Variants in BANP observed in about 807,000 individuals in gnomAD.
The protein encoded by BANP is protein BANP.
In BANP, 11 loss-of-function variants were observed where a neutral mutation model predicts 68.1. That is an observed-to-expected ratio of 0.16 (90% CI 0.10 to 0.27). The LOEUF is 0.27. BANP is among the 10% of genes least tolerant of loss of function. The pLI is 1.00. For synonymous variants in BANP, 329 were observed against 303.2 expected, an observed-to-expected ratio of 1.09 and a Z score of -0.88; for missense variants, 504 against 722.7, an observed-to-expected ratio of 0.70 and a Z score of 3.47.
chr16:87,968,522 A>C (rs2060528924), intron 1 of BANP, among the ~76,000 whole-genome samples: 1 of 151,336 alleles, frequency 6.6e-6, no homozygotes, highest in Non-Finnish European at 1.5e-5. Flanking sequence ...TCCCTTTAAT[A>C]ATCTTTGCTT....
rs765415146 is a variant in BANP at position 88,003,826 on chromosome 16, G to A, written c.363-469G>A. ...TTCTTTCCAGGGCGCTACCGTTTTG[G>A]AATGATACCAACACTTACGTGGTTA... On this transcript the variant is annotated intron_variant, in intron 4 of 13. Coordinates refer to ENST00000682872, the MANE Select transcript of BANP (RefSeq NM_001386991.1). This position sits in a 1 kb window ranked among gnomAD's most constrained non-coding sequence, Gnocchi z 6.1. 1.3e-5 allele frequency: 4 copies of A among 308,552 alleles called. No homozygotes were observed. The highest frequency in any genetic ancestry group is 2.5e-5 in the Non-Finnish European group (4 of 158,050). 19.1% of individuals were successfully genotyped at this position (308,552 alleles called of 1,614,324 possible).
chr16:87,971,491 C>T (rs1442571012), intron 1 of BANP, among the ~76,000 whole-genome samples: 2 of 151,994 alleles, frequency 1.3e-5, no homozygotes, highest in African/African-American at 2.4e-5. Context: ...GTCTTAAATA[C>T]GTTAATCCTT....
intron 1 of BANP, among the ~76,000 whole-genome samples, chr16:87,969,599 C>T (rs1029704188): frequency 6.7e-6 from 1 of 148,166 alleles, no homozygotes; most frequent in African/African-American, 2.5e-5. Context: ...ATGGCGTGAT[C>T]TCAGCTCACT....
intron 1 of BANP, 101 bp downstream of exon 1, chr16:87,951,616 G>C (rs1474255259): frequency 6.7e-6 from 1 of 149,376 alleles, no homozygotes; most frequent in Non-Finnish European, 1.5e-5. Context: ...CCCGCCCGCC[G>C]GGCCGCCCGC....
chr16:88,071,937 C>T lies in BANP; in HGVS notation c.1378-132C>T. On this transcript the variant is annotated intron_variant, in intron 12 of 13. Transcript: ENST00000682872. This position sits in a 1 kb window ranked among gnomAD's most constrained non-coding sequence, Gnocchi z 6.5. ...TGTGCCGCAGAGTCCTCGGTGTGGC[C>T]CTGAGGCCGTGTCCCTGCCGCTCAG... The T allele has an allele frequency of 8.2e-7, 1 of 1,214,978 alleles. No individual in the cohort carries two copies. Among genetic ancestry groups the T allele is most frequent in the Non-Finnish European group, 1.2e-6 (1 of 857,042 alleles). The allele number at this position is 1,214,978 out of a possible 1,614,324, so 75.3% of individuals were successfully genotyped here.
At chr16:87,999,188 G>T (rs77962472) in intron 4 of BANP, among the ~76,000 whole-genome samples, 3 of 127,852 alleles carry the variant, frequency 2.3e-5, no homozygotes, top group South Asian at 2.6e-4. Flanking sequence ...ATGCCCGCAC[G>T]TGCGCGGCTG....
At position 88,057,466 on chromosome 16, in the gene BANP, G is replaced by C. The variant is rs150750562; in HGVS notation, c.1312-7801G>C. Among the ~76,000 whole-genome samples the C allele has an allele frequency of 3.1e-3, 476 of 152,166 alleles. 1 individual carries two copies. Among genetic ancestry groups the C allele is most frequent in the African/African-American group, 0.011 (457 of 41,502 alleles). ...CCAGGGGGATGCCCTGGAGACTCTT[G>C]CGGTCCCCTCCACGTGTTCACCTCG... On this transcript the variant is annotated intron_variant, in intron 11 of 13. Coordinates refer to ENST00000682872, the MANE Select transcript of BANP (RefSeq NM_001386991.1). This position sits in a 1 kb window ranked among gnomAD's most constrained non-coding sequence, Gnocchi z 4.6.
chr16:87,950,672 G>A (rs916085998), upstream of BANP: 2 of 152,224 alleles, frequency 1.3e-5, no homozygotes, highest in African/African-American at 4.8e-5. Flanking sequence ...TTTACCTCAG[G>A]TGTTCCGCCC....
At chr16:87,988,530 G>T (rs939892254) in intron 4 of BANP, among the ~76,000 whole-genome samples, 1 of 152,050 alleles carries the variant, frequency 6.6e-6, no homozygotes, top group Non-Finnish European at 1.5e-5. Flanking sequence ...CTCCCAAAGT[G>T]CTGGGATTAC....
intron 6 of BANP, among the ~76,000 whole-genome samples, chr16:88,009,802 A>G (rs1412087732): frequency 6.6e-6 from 1 of 151,954 alleles, no homozygotes; most frequent in East Asian, 1.9e-4. Flanking sequence ...AAAGCAGGGA[A>G]CAGTAGACTA....
chr16:88,037,594 C>T, intron 10 of BANP: 1 of 284,066 alleles, frequency 3.5e-6, no homozygotes, highest in South Asian at 3.5e-5. Context: ...CCGCACAGCT[C>T]AGCAAGGCGT....
chr16:88,011,321 C>T (rs2073056291), intron 6 of BANP, among the ~76,000 whole-genome samples: 1 of 152,122 alleles, frequency 6.6e-6, no homozygotes, highest in South Asian at 2.1e-4. Flanking sequence ...CCTTTCCATC[C>T]CTGCCCTGTG....
intron 11 of BANP, among the ~76,000 whole-genome samples, chr16:88,054,845 G>A (rs2084578089): frequency 6.6e-6 from 1 of 152,196 alleles, no homozygotes; most frequent in African/African-American, 2.4e-5. Context: ...TCAGGATAAA[G>A]CCTTCACAGT....
At chr16:88,034,535 C>T (rs577415568) in intron 9 of BANP, among the ~76,000 whole-genome samples, 2 of 152,042 alleles carry the variant, frequency 1.3e-5, no homozygotes, top group African/African-American at 4.8e-5. Context: ...ATGAGTGTTT[C>T]TTTGATTTGA....
chr16:88,034,522 CAT>C (rs2078888526), intron 9 of BANP, among the ~76,000 whole-genome samples: 1 of 152,082 alleles, frequency 6.6e-6, no homozygotes. Context: ...TCTAAATAGT[CAT>C]ATGAGTGTTT....
At chr16:88,001,017 C>T (rs572004411) in intron 4 of BANP, among the ~76,000 whole-genome samples, 3 of 37,226 alleles carry the variant, frequency 8.1e-5, no homozygotes, top group African/African-American at 4.5e-4. Flanking sequence ...CTTCCAGACA[C>T]GTCTCCATGC....
chr16:88,037,319 A>G (rs143200207), intron 10 of BANP: 1 of 152,280 alleles, frequency 6.6e-6, no homozygotes, highest in Non-Finnish European at 1.5e-5. Context: ...TGAATGCAGT[A>G]AGTTAGAAAT....
chr16:88,053,154 A>C (rs1598905210), intron 11 of BANP, among the ~76,000 whole-genome samples: 1 of 138,536 alleles, frequency 7.2e-6, no homozygotes, highest in Non-Finnish European at 1.6e-5. Flanking sequence ...TCACCAACAC[A>C]ACCATAACCA....
chr16:87,954,946 C>G (rs1385568919), intron 1 of BANP, among the ~76,000 whole-genome samples: 1 of 152,254 alleles, frequency 6.6e-6, no homozygotes, highest in African/African-American at 2.4e-5. Context: ...GGTGAGGTGC[C>G]AAGCCGCCGT....
Sources: allele counts gnomAD v4.1 joint callset (sites outside exome capture counted in the v4.1 genomes callset), GRCh38; gene constraint gnomAD v4.1.1; non-coding constraint Gnocchi (gnomAD v3.1); transcripts MANE v1.5; gene names NCBI Gene and HGNC (gene_info 2026-07-23, HGNC 2026-07-21).